Variants in PCBP3 observed in about 807,000 individuals in gnomAD.
The protein encoded by PCBP3 is poly(rC)-binding protein 3.
PCBP3 carries 25 observed loss-of-function variants against 52.7 expected under a neutral mutation model. That is an observed-to-expected ratio of 0.47 (90% confidence interval 0.35 to 0.66). PCBP3 has a LOEUF of 0.66. Among genes scored for constraint, PCBP3 ranks in the 30% least tolerant of loss-of-function variants. The pLI is 0.01. For missense variants in PCBP3, 391 were observed against 490.3 expected (o/e 0.80, Z 1.91); for synonymous variants, 162 against 183.0 (o/e 0.89, Z 0.93).
intron 2 of PCBP3, among the ~76,000 whole-genome samples, chr21:45,685,089 G>A (rs574864072): frequency 6.6e-6 from 1 of 152,200 alleles, no homozygotes; most frequent in African/African-American, 2.4e-5. Context: ...TAGATGCAAA[G>A]ACCAAATGTT....
chr21:45,861,997 G>A (rs932160851), intron 5 of PCBP3, among the ~76,000 whole-genome samples: 5 of 152,188 alleles, frequency 3.3e-5, no homozygotes, highest in African/African-American at 1.2e-4. Context: ...CACCTTGAAC[G>A]CTGCTTCCCC....
At chr21:45,845,066 C>G (rs1047308443) in intron 4 of PCBP3, among the ~76,000 whole-genome samples, 1 of 152,118 alleles carries the variant, frequency 6.6e-6, no homozygotes, top group Admixed American at 6.5e-5. Context: ...AAACTGTTCT[C>G]CCTAAAAGGA....
At chr21:45,757,890 CT>C (rs35441018) in intron 4 of PCBP3, among the ~76,000 whole-genome samples, 87,731 of 143,602 alleles carry the variant, frequency 0.61, 26,369 homozygotes, top group East Asian at 0.79. Flanking sequence ...TATATATATT[CT>C]TTTTTTTTTT....
chr21:45,787,610 C>T (rs997211936), intron 4 of PCBP3, among the ~76,000 whole-genome samples: 5 of 152,086 alleles, frequency 3.3e-5, no homozygotes, highest in Admixed American at 6.6e-5. Flanking sequence ...ATGGTGGGGC[C>T]TCCAGGGAAC....
At chr21:45,818,591 C>A (rs2093036291) in intron 4 of PCBP3, among the ~76,000 whole-genome samples, 3 of 152,242 alleles carry the variant, frequency 2.0e-5, no homozygotes, top group South Asian at 4.1e-4. Flanking sequence ...AAACTACCTT[C>A]CCAAGTGGTT....
chr21:45,789,806 G>T (rs751083992), intron 4 of PCBP3, among the ~76,000 whole-genome samples: 5 of 152,162 alleles, frequency 3.3e-5, no homozygotes, highest in African/African-American at 1.2e-4. Flanking sequence ...GACCTGGGCC[G>T]AGTTAGGTTC....
At chr21:45,867,912 C>G (rs944983052) in intron 5 of PCBP3, among the ~76,000 whole-genome samples, 2 of 152,254 alleles carry the variant, frequency 1.3e-5, no homozygotes, top group Non-Finnish European at 2.9e-5. Flanking sequence ...CCAGCGCCGT[C>G]GCACACACAG....
Position 45,917,397 on chromosome 21 carries a change from TG to T in PCBP3, c.676-188del. 1 of 500,014 alleles carries T rather than the reference TG, an allele frequency of 2.0e-6. No individual in the cohort carries two copies. 31.0% of individuals were successfully genotyped at this position (500,014 alleles called of 1,614,324 possible). ...CTCAGCTCTGCCCGCCCAGAGGAAG[TG>T]GGTGCGGCTCCCCTGGGGCTCCTGG... On this transcript the variant is annotated intron_variant, in intron 12 of 17. Coordinates refer to ENST00000681687, the MANE Select transcript of PCBP3 (RefSeq NM_001384156.1). This position sits in a 1 kb window ranked among gnomAD's most constrained non-coding sequence, Gnocchi z 5.3.
chr21:45,887,364 G>A (rs181518287), intron 5 of PCBP3, among the ~76,000 whole-genome samples: 93 of 152,334 alleles, frequency 6.1e-4, no homozygotes, highest in African/African-American at 2.1e-3. Context: ...CACAGATGCC[G>A]GAGCTGCTGG....
intron 4 of PCBP3, among the ~76,000 whole-genome samples, chr21:45,793,697 C>CT (rs1459108487): frequency 1.3e-5 from 2 of 152,278 alleles, no homozygotes; most frequent in East Asian, 3.9e-4. Context: ...GAGGCGATAG[C>CT]CCCTGCAAAG....
chr21:45,768,520 TA>T (rs1263691089), intron 4 of PCBP3, among the ~76,000 whole-genome samples: 1 of 152,224 alleles, frequency 6.6e-6, no homozygotes, highest in African/African-American at 2.4e-5. Flanking sequence ...TTTTCCAGTA[TA>T]TCATTACCAC....
chr21:45,860,538 A>G lies in PCBP3; in HGVS notation c.10+10443A>G, dbSNP rs180727799. On this transcript the variant is annotated intron_variant, in intron 5 of 17. Transcript: ENST00000681687. ...GAAAACAGAAGGGTTCCATGGAGAA[A>G]TGGCAGATTCTGGGTGGGGAAGCAC... Among the ~76,000 whole-genome samples, 305 of 152,320 alleles carry G rather than the reference A, an allele frequency of 2.0e-3. 1 individual carries two copies. The highest frequency in any genetic ancestry group is 6.7e-3 in the African/African-American group (278 of 41,566).
At chr21:45,886,053 T>C (rs1384204065) in intron 5 of PCBP3, among the ~76,000 whole-genome samples, 1 of 152,126 alleles carries the variant, frequency 6.6e-6, no homozygotes, top group Non-Finnish European at 1.5e-5. Flanking sequence ...AGTCCAGGCT[T>C]TCCACTCGGC....
intron 6 of PCBP3, among the ~76,000 whole-genome samples, chr21:45,898,224 G>T (rs1482928613): frequency 6.6e-6 from 1 of 152,172 alleles, no homozygotes; most frequent in Non-Finnish European, 1.5e-5. Flanking sequence ...GCACTCTGTG[G>T]GGGAGGTGCC....
At chr21:45,778,691 A>G (rs2090426635) in intron 4 of PCBP3, among the ~76,000 whole-genome samples, 1 of 152,146 alleles carries the variant, frequency 6.6e-6, no homozygotes, top group South Asian at 2.1e-4. Context: ...ACAATGGTGG[A>G]TTGGGTTGGG....
chr21:45,798,002 TAG>T (rs1395748160), intron 4 of PCBP3, among the ~76,000 whole-genome samples: 1 of 140,258 alleles, frequency 7.1e-6, no homozygotes, highest in African/African-American at 2.8e-5. Context: ...CATGGATCTG[TAG>T]AGAGAGTGAA....
chr21:45,645,405 T>C (rs2146658233), intron 1 of PCBP3, among the ~76,000 whole-genome samples: 1 of 152,338 alleles, frequency 6.6e-6, no homozygotes, highest in East Asian at 1.9e-4. Context: ...AAAAATGGAC[T>C]CTGTCTAGAA....
In PCBP3 at chr21:45,800,170, T is replaced by C. The variant is rs971834970; in HGVS notation, c.-126+44718T>C. 1.1e-4 allele frequency among the ~76,000 whole-genome samples: 16 copies of C among 152,156 alleles called. No individual in the cohort carries two copies. On this transcript the variant is annotated intron_variant, in intron 4 of 17. Transcript: ENST00000681687. This position sits in a 1 kb window ranked among gnomAD's most constrained non-coding sequence, Gnocchi z 5.3. ...CAGAGTAATGGCTGCAGGTGGGGCCTTCCAGAGGCACAGGCTGAGGGGCCA... is the reference window on the plus strand; with the variant it reads ...CAGAGTAATGGCTGCAGGTGGGGCCCTCCAGAGGCACAGGCTGAGGGGCCA...
At chr21:45,674,347 A>C (rs1464247102) in intron 2 of PCBP3, among the ~76,000 whole-genome samples, 2 of 152,188 alleles carry the variant, frequency 1.3e-5, no homozygotes, top group African/African-American at 2.4e-5. Flanking sequence ...CCAGAGCACT[A>C]TACTTTCGTT....
Sources: gnomAD v4.1 joint callset for allele counts (sites outside exome capture counted in the v4.1 genomes callset) on GRCh38, gnomAD v4.1.1 for gene constraint, Gnocchi (gnomAD v3.1) non-coding constraint, MANE v1.5 for transcripts, NCBI Gene and HGNC (gene_info 2026-07-23, HGNC 2026-07-21) for gene names.